Variants in HDAC9 observed in about 807,000 individuals in gnomAD.
HDAC9 encodes the protein MEF-2 interacting transcription repressor (MITR) protein.
A neutral mutation model predicts 139.4 loss-of-function variants in HDAC9; 41 were observed. That is an observed-to-expected ratio of 0.29 (90% CI 0.23 to 0.38). HDAC9 has a LOEUF of 0.38. HDAC9 is among the 10% of genes least tolerant of loss of function. The pLI, the probability that HDAC9 is intolerant of heterozygous loss-of-function variation, is 1.00. For missense variants in HDAC9, 1,147 were observed against 1,297.0 expected (o/e 0.88, Z 1.78); for synonymous variants, 517 against 476.2 (o/e 1.09, Z -1.12).
chr7:18,911,012 G>C (rs891029667), intron 22 of HDAC9, among the ~76,000 whole-genome samples: 1 of 151,798 alleles, frequency 6.6e-6, no homozygotes, highest in Non-Finnish European at 1.5e-5. Context: ...GGAATAGTTT[G>C]AGAAGACTTG....
rs1177537887 is a variant in HDAC9 at position 18,146,363 on chromosome 7, A to G, written c.-96-15866A>G. Among the ~76,000 whole-genome samples, 7 of 152,188 alleles carry G rather than the reference A, an allele frequency of 4.6e-5. No homozygotes were observed. In the South Asian group the frequency reaches 8.3e-4, roughly 18 times the overall value. ...ATGATATGGCAACTCTTCATTTTCA[A>G]TACTCACAGTGGTTGATTGAGACAT... On this transcript the variant is annotated intron_variant, in intron 1 of 12. Coordinates refer to the HDAC9 transcript ENST00000417496.
intron 22 of HDAC9, among the ~76,000 whole-genome samples, chr7:18,918,603 C>A (rs1463830799): frequency 6.6e-6 from 1 of 152,028 alleles, no homozygotes; most frequent in African/African-American, 2.4e-5. Context: ...ACTACCTTTT[C>A]ACACTTATTG....
chr7:18,972,767 T>A (rs1274969466), intron 24 of HDAC9, among the ~76,000 whole-genome samples: 2 of 152,204 alleles, frequency 1.3e-5, no homozygotes, highest in East Asian at 3.8e-4. Flanking sequence ...AAAAGGTACT[T>A]GCAATAGTGC....
intron 12 of HDAC9, among the ~76,000 whole-genome samples, chr7:18,724,289 T>C (rs1232721068): frequency 6.6e-6 from 1 of 152,160 alleles, no homozygotes; most frequent in Non-Finnish European, 1.5e-5. Context: ...CTAGATGGTA[T>C]AGCCTACTAT....
At position 18,969,799 on chromosome 7, in the gene HDAC9, G is replaced by T. The variant is rs951780966; in HGVS notation, c.3023-6007G>T. Among the ~76,000 whole-genome samples, 30 of 152,110 alleles carry T rather than the reference G, an allele frequency of 2.0e-4. 1 individual carries two copies. The highest frequency in any genetic ancestry group is 1.5e-5 in the Non-Finnish European group (1 of 68,008). ...GAAGACATAGCAGCATCTGAATTTG[G>T]TAAAATTTTGAAGAGTCAAAAACAA... On this transcript the variant is annotated intron_variant, in intron 24 of 25. Transcript: ENST00000686413.
upstream of HDAC9, among the ~76,000 whole-genome samples, chr7:18,286,083 A>G (rs375174785): frequency 3.3e-5 from 5 of 152,192 alleles, no homozygotes; most frequent in South Asian, 1.0e-3. Flanking sequence ...GAAAGGAAAG[A>G]TTTAGTTCAC....
chr7:18,579,631 T>G (rs894576544), intron 2 of HDAC9, among the ~76,000 whole-genome samples: 2 of 152,196 alleles, frequency 1.3e-5, no homozygotes, highest in Non-Finnish European at 2.9e-5. Flanking sequence ...ATAAAATGGC[T>G]CTGGGCAGCA....
chr7:18,979,437 T>C (rs147896523), intron 25 of HDAC9, among the ~76,000 whole-genome samples: 2 of 152,208 alleles, frequency 1.3e-5, no homozygotes, highest in Non-Finnish European at 2.9e-5. Flanking sequence ...AGAAGCTAAA[T>C]GTTGCACAAA....
At chr7:18,666,173 A>G (rs1210231554) in intron 11 of HDAC9, 40 bp from the exon 12 acceptor site, 1 of 1,545,348 alleles carries the variant, frequency 6.5e-7, no homozygotes, top group Admixed American at 2.0e-5. Context: ...GTTACCATGA[A>G]GAACTACTGA....
intron 2 of HDAC9, among the ~76,000 whole-genome samples, chr7:18,233,855 C>A (rs200202940): frequency 6.6e-6 from 1 of 152,140 alleles, no homozygotes; most frequent in Non-Finnish European, 1.5e-5. Context: ...CTTGTCAACA[C>A]AAGGTCCACA....
intron 1 of HDAC9, among the ~76,000 whole-genome samples, chr7:18,334,358 A>T (rs1342089300): frequency 6.6e-6 from 1 of 151,534 alleles, no homozygotes; most frequent in Non-Finnish European, 1.5e-5. Context: ...ATTCATTAAT[A>T]ATCACAGAAC....
intron 16 of HDAC9, among the ~76,000 whole-genome samples, chr7:18,782,719 T>TA (rs1288433040): frequency 6.6e-6 from 1 of 152,066 alleles, no homozygotes; most frequent in African/African-American, 2.4e-5. Flanking sequence ...TTTTCTTAGT[T>TA]ACCATTGACT....
At chr7:18,341,611 C>G (rs180846901) in intron 1 of HDAC9, among the ~76,000 whole-genome samples, 2 of 151,706 alleles carry the variant, frequency 1.3e-5, no homozygotes, top group Admixed American at 1.3e-4. Flanking sequence ...GTCTTTTATG[C>G]CACTACTTAG....
chr7:18,709,192 A>C (rs1784163746), intron 12 of HDAC9, among the ~76,000 whole-genome samples: 1 of 149,744 alleles, frequency 6.7e-6, no homozygotes, highest in African/African-American at 2.5e-5. Context: ...TCGTCCCCTC[A>C]CTCTCTACCT....
Position 18,168,879 on chromosome 7 carries a change from GTTTTTT to G in HDAC9, c.25+6544_25+6549del, listed in dbSNP as rs112502543. On this transcript the variant is annotated intron_variant, in intron 2 of 12. Coordinates refer to the HDAC9 transcript ENST00000417496. The stretch of plus-strand genomic sequence containing the variant: ...AGTTCTGAGGAGGTGCAAATGTCTT[GTTTTTT>G]TTTTTTTTTTTTTGTGTGTGTGTGT... Among the ~76,000 whole-genome samples the G allele has an allele frequency of 7.1e-3, 578 of 80,888 alleles. 3 individuals carry two copies. The highest frequency in any genetic ancestry group is 8.0e-3 in the Non-Finnish European group (318 of 39,952). The allele number at this position is 80,888 out of a possible 152,430, so 53.1% of individuals were successfully genotyped here.
chr7:18,929,447 T>C (rs1258758485), intron 22 of HDAC9, among the ~76,000 whole-genome samples: 7 of 152,066 alleles, frequency 4.6e-5, no homozygotes, highest in African/African-American at 1.7e-4. Flanking sequence ...CCAGTTCAGC[T>C]CCACTTGGTC....
At chr7:18,594,178 A>G (rs1831809460) in intron 6 of HDAC9, 149 bp downstream of exon 6, 1 of 639,008 alleles carries the variant, frequency 1.6e-6, no homozygotes. Context: ...AACAATGCAC[A>G]CACATACCCT....
chr7:18,972,750 A>G (rs1784326627), intron 24 of HDAC9, among the ~76,000 whole-genome samples: 1 of 152,128 alleles, frequency 6.6e-6, no homozygotes, highest in Admixed American at 6.5e-5. Flanking sequence ...TCAATAATTT[A>G]CCTGGTAAAA....
intron 2 of HDAC9, among the ~76,000 whole-genome samples, chr7:18,223,143 A>C (rs1289639556): frequency 6.6e-6 from 1 of 152,134 alleles, no homozygotes. Context: ...TCTCTCGGGA[A>C]CAGATTGTTC....
Sources: gnomAD v4.1 joint callset for allele counts (sites outside exome capture counted in the v4.1 genomes callset) on GRCh38, gnomAD v4.1.1 for gene constraint, MANE v1.5 for transcripts, NCBI Gene and HGNC (gene_info 2026-07-23, HGNC 2026-07-21) for gene names.